PLEKHA7: variants seen among roughly 807,000 people sequenced by gnomAD.
PLEKHA7 encodes the protein pleckstrin homology domain-containing family A member 7.
In PLEKHA7, 104 loss-of-function variants were observed where a neutral mutation model predicts 170.0. That is an observed-to-expected ratio of 0.61 (90% confidence interval 0.52 to 0.72). PLEKHA7 has a LOEUF of 0.72. Ranked by LOEUF, PLEKHA7 falls within the 30% of genes least tolerant of loss-of-function variation. The pLI, the probability that PLEKHA7 is intolerant of heterozygous loss-of-function variation, is 0.00. For synonymous variants in PLEKHA7, 648 were observed against 660.8 expected (o/e 0.98, Z 0.30); for missense variants, 1,615 against 1,671.7 (o/e 0.97, Z 0.59).
At chr11:16,929,872 C>T (rs1322148402) in intron 3 of PLEKHA7, among the ~76,000 whole-genome samples, 3 of 152,048 alleles carry the variant, frequency 2.0e-5, no homozygotes, top group African/African-American at 4.8e-5. Flanking sequence ...GGCGTGGTGG[C>T]GTGTGCCTGT....
intron 12 of PLEKHA7, 124 bp downstream of exon 12, chr11:16,816,054 T>A: frequency 1.3e-6 from 1 of 790,638 alleles, no homozygotes; most frequent in Non-Finnish European, 2.1e-6. Flanking sequence ...TCTCTGAGCC[T>A]CAGTTTCCTC....
At chr11:17,010,153 T>C (rs969859333) in intron 3 of PLEKHA7, among the ~76,000 whole-genome samples, 7 of 151,976 alleles carry the variant, frequency 4.6e-5, no homozygotes, top group Admixed American at 2.0e-4. Flanking sequence ...TTTGGGAGGC[T>C]GAGGCAGGCG....
chr11:16,816,885 A>G lies in PLEKHA7; in HGVS notation c.1781T>C (p.Val594Ala). 6.2e-7 allele frequency: 1 copy of G among 1,613,614 alleles called. No individual in the cohort carries two copies. The highest frequency in any genetic ancestry group is 8.5e-7 in the Non-Finnish European group (1 of 1,179,934). ...CCTCTGGTCCGGTGGCTTCACTGTGACTCGCTCTGCTGGTGTGTGTGGCCG... is the reference window on the plus strand; with the variant it reads ...CCTCTGGTCCGGTGGCTTCACTGTGGCTCGCTCTGCTGGTGTGTGTGGCCG... ...PRRPHTPAER[V>A]TVKPPDQRRS... The change falls in exon 11 of 27, where the codon GTC (valine) becomes GCC (alanine). Residue 594 changes from valine (V) to alanine (A), a missense_variant. Coordinates refer to ENST00000531066, the MANE Select transcript of PLEKHA7 (RefSeq NM_001329630.2).
intron 26 of PLEKHA7, among the ~76,000 whole-genome samples, chr11:16,781,571 C>T (rs1192197875): frequency 6.6e-6 from 1 of 152,162 alleles, no homozygotes; most frequent in Non-Finnish European, 1.5e-5. Context: ...CCCAGAACAC[C>T]ACACCGGCCA....
intron 3 of PLEKHA7, 121 bp downstream of exon 3, chr11:17,013,868 G>A: frequency 1.7e-6 from 2 of 1,177,644 alleles, no homozygotes; most frequent in South Asian, 3.8e-5. Context: ...TGGCCGCGGC[G>A]CAGCGCGCGC....
At chr11:16,810,470 G>A (rs1431103761) in intron 13 of PLEKHA7, among the ~76,000 whole-genome samples, 1 of 152,206 alleles carries the variant, frequency 6.6e-6, no homozygotes, top group Non-Finnish European at 1.5e-5. Context: ...CTTGTTTCTC[G>A]CATGTGGCTG....
intron 21 of PLEKHA7, chr11:16,790,550 G>A (rs1839895705): frequency 1.9e-6 from 1 of 518,658 alleles, no homozygotes; most frequent in Non-Finnish European, 3.5e-6. Context: ...CTTAAACAGT[G>A]CCAGGCTTTC....
intron 13 of PLEKHA7, among the ~76,000 whole-genome samples, chr11:16,804,889 C>G (rs557767838): frequency 6.6e-6 from 1 of 151,324 alleles, no homozygotes; most frequent in African/African-American, 2.4e-5. Flanking sequence ...TCCTGCAATG[C>G]GGGGGGGGCG....
rs140137178 is a variant in PLEKHA7, at chr11:16,946,335, C to T, written c.221+67654G>A. On this transcript the variant is annotated intron_variant, in intron 3 of 26. Coordinates refer to ENST00000531066, the MANE Select transcript of PLEKHA7 (RefSeq NM_001329630.2). ...CTGCCCTAAAGAGGACTGGACACCC[C>T]ACCCACCAGAACCCTCAACCCTGGG... Among the ~76,000 whole-genome samples the T allele has an allele frequency of 4.4e-3, 670 of 152,316 alleles. 3 individuals are homozygous for T. Among genetic ancestry groups the T allele is most frequent in the Middle Eastern group, 0.014 (4 of 294 alleles).
intron 3 of PLEKHA7, among the ~76,000 whole-genome samples, chr11:16,987,090 C>T (rs1590791879): frequency 6.6e-6 from 1 of 152,334 alleles, no homozygotes; most frequent in East Asian, 1.9e-4. Flanking sequence ...AGGCCTCCTA[C>T]AGCCTCCTGT....
intron 26 of PLEKHA7, 129 bp downstream of exon 26, chr11:16,782,625 A>T: frequency 8.3e-7 from 1 of 1,210,312 alleles, no homozygotes; most frequent in South Asian, 1.5e-5. Flanking sequence ...AGGGGAACAC[A>T]CCACTGACCC....
At chr11:16,928,130 A>G in intron 3 of PLEKHA7, among the ~76,000 whole-genome samples, 1 of 152,174 alleles carries the variant, frequency 6.6e-6, no homozygotes, top group East Asian at 1.9e-4. Context: ...TTATCAACCC[A>G]TATTAAAGTA....
intron 23 of PLEKHA7, 146 bp downstream of exon 23, chr11:16,788,950 C>T: frequency 9.5e-7 from 1 of 1,047,236 alleles, no homozygotes; most frequent in Non-Finnish European, 1.4e-6. Flanking sequence ...GGGTCGTGGA[C>T]AAACAGCCCC....
intron 4 of PLEKHA7, among the ~76,000 whole-genome samples, chr11:16,867,273 T>C (rs372954916): frequency 2.0e-5 from 3 of 152,334 alleles, no homozygotes; most frequent in African/African-American, 4.8e-5. Context: ...TCAGTAGGCC[T>C]GGGGTGGGGC....
chr11:16,830,770 C>A (rs1851042706), intron 9 of PLEKHA7, among the ~76,000 whole-genome samples: 1 of 152,196 alleles, frequency 6.6e-6, no homozygotes, highest in South Asian at 2.1e-4. Context: ...AGAAAATAGC[C>A]TTTGCCTTCA....
intron 3 of PLEKHA7, among the ~76,000 whole-genome samples, chr11:16,910,532 C>T (rs1253299110): frequency 6.6e-6 from 1 of 152,200 alleles, no homozygotes; most frequent in Non-Finnish European, 1.5e-5. Flanking sequence ...TCATGGGATA[C>T]CACTAGGGAA....
At chr11:16,929,778 G>C (rs2136316306) in intron 3 of PLEKHA7, among the ~76,000 whole-genome samples, 1 of 152,302 alleles carries the variant, frequency 6.6e-6, no homozygotes, top group African/African-American at 2.4e-5. Flanking sequence ...GCCGAGGTGG[G>C]TGGATCACAA....
intron 3 of PLEKHA7, among the ~76,000 whole-genome samples, chr11:16,991,346 C>T (rs1389865284): frequency 3.3e-5 from 5 of 152,150 alleles, no homozygotes; most frequent in Admixed American, 1.3e-4. Flanking sequence ...AAGACAGGCT[C>T]GGTTCCTTGT....
intron 3 of PLEKHA7, among the ~76,000 whole-genome samples, chr11:16,962,125 A>T (rs1379054438): frequency 6.6e-6 from 1 of 152,230 alleles, no homozygotes; most frequent in African/African-American, 2.4e-5. Flanking sequence ...ATGAGGAGGC[A>T]GCCCTGTGGC....
Sources: gnomAD v4.1 joint callset for allele counts (sites outside exome capture counted in the v4.1 genomes callset) on GRCh38, gnomAD v4.1.1 for gene constraint, MANE v1.5 for transcripts, NCBI Gene and HGNC (gene_info 2026-07-23, HGNC 2026-07-21) for gene names.